PKP2: variants seen among roughly 807,000 people sequenced by gnomAD.
PKP2 encodes the protein plakophilin 2, also known as plakophilin-2.
PKP2 carries 73 observed loss-of-function variants against 83.4 expected under a neutral mutation model. The observed-to-expected ratio is 0.88, with a 90% CI of 0.72 to 1.06. The LOEUF (loss-of-function observed/expected upper bound fraction) is 1.06, where lower values mean the gene tolerates loss of function less well. Ranked by LOEUF, PKP2 falls within the 50% of genes least tolerant of loss-of-function variation. The probability of loss-of-function intolerance (pLI) is 0.00; values close to 1 mark genes in which losing one functional copy is unlikely to be tolerated. For missense variants in PKP2, 966 were observed against 1,065.4 expected, an observed-to-expected ratio of 0.91 and a Z score of 1.30; for synonymous variants, 409 against 430.4, an observed-to-expected ratio of 0.95 and a Z score of 0.62.
At chr12:32,814,219 A>G (rs909996413) in intron 9 of PKP2, among the ~76,000 whole-genome samples, 1 of 152,046 alleles carries the variant, frequency 6.6e-6, no homozygotes, top group African/African-American at 2.4e-5. Flanking sequence ...CACAAGGCCT[A>G]TTATTCTTTC....
At chr12:32,816,013 A>T (rs1000911665) in intron 9 of PKP2, among the ~76,000 whole-genome samples, 10 of 152,200 alleles carry the variant, frequency 6.6e-5, no homozygotes, top group African/African-American at 2.2e-4. Context: ...TGCAAATAAC[A>T]CTTCTAATTC....
intron 9 of PKP2, among the ~76,000 whole-genome samples, chr12:32,802,922 G>T (rs904320179): frequency 2.6e-5 from 4 of 151,940 alleles, no homozygotes; most frequent in African/African-American, 9.7e-5. Flanking sequence ...GCCTCCTAAA[G>T]TGTTGGGATT....
intron 9 of PKP2, chr12:32,820,350 G>T (rs185796607): frequency 5.9e-5 from 9 of 152,254 alleles, no homozygotes; most frequent in African/African-American, 1.9e-4. Context: ...CCAAGGCAAA[G>T]AATACAAGCT....
At chr12:32,793,608 T>C (rs1956093045) in intron 11 of PKP2, among the ~76,000 whole-genome samples, 2 of 144,682 alleles carry the variant, frequency 1.4e-5, no homozygotes, top group Non-Finnish European at 3.0e-5. Flanking sequence ...GTCTTTCATA[T>C]TCTGCTTTTT....
At chr12:32,877,137 C>T (rs1956939805) in intron 3 of PKP2, among the ~76,000 whole-genome samples, 1 of 152,170 alleles carries the variant, frequency 6.6e-6, no homozygotes, top group East Asian at 1.9e-4. Flanking sequence ...AGTTACTGAT[C>T]TAATCAGCCA....
chr12:32,840,871 C>G (rs765511723), intron 6 of PKP2, among the ~76,000 whole-genome samples, 157 bp downstream of exon 6: 2 of 152,060 alleles, frequency 1.3e-5, no homozygotes, highest in Non-Finnish European at 2.9e-5. Context: ...GAGCGAGACT[C>G]TGTTTTAAAA....
chr12:32,821,095 A>T (rs1326389295), intron 9 of PKP2: 1 of 449,794 alleles, frequency 2.2e-6, no homozygotes, highest in Non-Finnish European at 4.1e-6. Context: ...TAAGCCAAAA[A>T]TTTCCTCTTT....
chr12:32,850,346 G>A (rs2137860298), intron 5 of PKP2, among the ~76,000 whole-genome samples: 1 of 152,284 alleles, frequency 6.6e-6, no homozygotes, highest in South Asian at 2.1e-4. Context: ...AAGGTCAGGA[G>A]TTCGAGACCA....
At chr12:32,867,382 G>A (rs1436629239) in intron 4 of PKP2, among the ~76,000 whole-genome samples, 1 of 152,178 alleles carries the variant, frequency 6.6e-6, no homozygotes, top group Admixed American at 6.6e-5. Flanking sequence ...TTCGTAGGTT[G>A]AGGGCTGGAG....
rs905358430 is a variant in PKP2, at chr12:32,825,388, G to T, written c.1557-1226C>A. ...TTCACCATGTTGGTTGGCCAGGATG[G>T]TCTCTATCTCTTGACCTTGTGAACC... is the stretch of plus-strand genomic sequence containing the variant. On this transcript the variant is annotated intron_variant, in intron 6 of 12. Transcript: ENST00000340811. Among the ~76,000 whole-genome samples, 4 of 151,886 alleles carry T rather than the reference G, an allele frequency of 2.6e-5. No individual in the cohort carries two copies. In the East Asian group the frequency reaches 7.8e-4, roughly 29 times the overall value.
intron 1 of PKP2, among the ~76,000 whole-genome samples, chr12:32,880,844 T>C (rs895871381): frequency 1.3e-5 from 2 of 152,118 alleles, no homozygotes; most frequent in Non-Finnish European, 2.9e-5. Flanking sequence ...ATCAACAATC[T>C]CCAAAAGCCA....
chr12:32,796,036 A>G (rs77991187), intron 11 of PKP2, 73 bp downstream of exon 11: 1 of 389,938 alleles, frequency 2.6e-6, no homozygotes, highest in Non-Finnish European at 5.1e-6. Context: ...CCGCACATTC[A>G]CAACCGGATT....
chr12:32,836,737 G>A lies in PKP2; in HGVS notation c.1556+4291C>T, dbSNP rs577603966. On this transcript the variant is annotated intron_variant, in intron 6 of 12. Coordinates refer to ENST00000340811, the MANE Select transcript of PKP2 (RefSeq NM_001005242.3). ...AATTAAGATATTCGGTAACATTCAT[G>A]ATTTTTAAAAATATAGCTAAGATTA... Among the ~76,000 whole-genome samples the A allele has an allele frequency of 2.6e-5, 4 of 152,268 alleles. No individual in the cohort carries two copies. In the South Asian group the frequency reaches 8.3e-4, roughly 32 times the overall value.
At chr12:32,892,317 T>A (rs944216947) in intron 1 of PKP2, among the ~76,000 whole-genome samples, 100 of 145,656 alleles carry the variant, frequency 6.9e-4, no homozygotes, top group Non-Finnish European at 1.1e-3. Context: ...AGAATTCACT[T>A]TTTTTTTTTT....
chr12:32,836,807 G>C (rs941555278), intron 6 of PKP2, among the ~76,000 whole-genome samples: 5 of 152,158 alleles, frequency 3.3e-5, no homozygotes, highest in Non-Finnish European at 7.4e-5. Context: ...ATTTTTAAGA[G>C]TGAGCTGTAG....
In PKP2 at chr12:32,823,757, C is replaced by T. The variant is rs561649831; in HGVS notation, c.1674+288G>A. 2.4e-4 allele frequency among the ~76,000 whole-genome samples: 36 copies of T among 152,070 alleles called. No homozygotes were observed. In the South Asian group the frequency reaches 3.3e-3, roughly 14 times the overall value. ...CTGGAACTACAGGTGCCCGCCACCA[C>T]GCCCGGCTATATTTTTTGTATTTTT... On this transcript the variant is annotated intron_variant, in intron 7 of 12. Coordinates refer to ENST00000340811, the MANE Select transcript of PKP2 (RefSeq NM_001005242.3).
intron 11 of PKP2, among the ~76,000 whole-genome samples, chr12:32,793,543 G>A (rs1257728167): frequency 2.0e-5 from 3 of 150,240 alleles, no homozygotes; most frequent in African/African-American, 7.4e-5. Context: ...TAGAGCAAAT[G>A]GAAAACTTGT....
At chr12:32,817,773 G>A (rs1310488837) in intron 9 of PKP2, among the ~76,000 whole-genome samples, 5 of 152,046 alleles carry the variant, frequency 3.3e-5, no homozygotes, top group African/African-American at 4.8e-5. Flanking sequence ...ATTTATTTTT[G>A]GGTAAGGTAT....
At chr12:32,894,803 T>A (rs926956920) in intron 1 of PKP2, 3 of 152,148 alleles carry the variant, frequency 2.0e-5, no homozygotes, top group Admixed American at 1.3e-4. Flanking sequence ...AATGAATGGG[T>A]GTAATGGCTC....
Sources: allele counts gnomAD v4.1 joint callset (sites outside exome capture counted in the v4.1 genomes callset), GRCh38; gene constraint gnomAD v4.1.1; transcripts MANE v1.5; gene names NCBI Gene and HGNC (gene_info 2026-07-23, HGNC 2026-07-21).